The following TMPRSS11B variants were observed in gnomAD, a reference collection of about 807,000 sequenced individuals.
TMPRSS11B encodes transmembrane serine protease 11B, also known as transmembrane protease serine 11B.
A neutral mutation model predicts 44.7 loss-of-function variants in TMPRSS11B; 53 were observed. That is an observed-to-expected ratio of 1.19 (90% CI 0.95 to 1.49). TMPRSS11B has a LOEUF of 1.49. Ranked by LOEUF, TMPRSS11B falls within the 40% of genes most tolerant of loss-of-function variation. TMPRSS11B has a pLI of 0.00. For synonymous variants in TMPRSS11B, 140 were observed against 159.2 expected (o/e 0.88, Z 0.91); for missense variants, 526 against 494.8 (o/e 1.06, Z -0.60).
At chr4:68,243,738 G>A (rs1414210187) in intron 1 of TMPRSS11B, among the ~76,000 whole-genome samples, 1 of 152,080 alleles carries the variant, frequency 6.6e-6, no homozygotes, top group Non-Finnish European at 1.5e-5. Flanking sequence ...ATAACAGTCT[G>A]GTAGCTTGGG....
intron 5 of TMPRSS11B, 101 bp from the exon 6 acceptor site, chr4:68,232,517 T>C (rs1482476599): frequency 1.9e-6 from 2 of 1,068,106 alleles, no homozygotes; most frequent in African/African-American, 1.6e-5. Flanking sequence ...AACCCAATAT[T>C]GTCCAACATT....
intron 9 of TMPRSS11B, among the ~76,000 whole-genome samples, chr4:68,228,479 A>T (rs1482410337): frequency 6.6e-6 from 1 of 152,186 alleles, no homozygotes; most frequent in East Asian, 1.9e-4. Context: ...ATAGGACAAA[A>T]TTCATCTTGT....
intron 2 of TMPRSS11B, among the ~76,000 whole-genome samples, chr4:68,237,008 A>G (rs138597577): frequency 1.4e-4 from 22 of 151,778 alleles, no homozygotes; most frequent in African/African-American, 4.8e-4. Context: ...TCACATAGGT[A>G]TACACGTGCC....
At chr4:68,241,848 C>T (rs754179115) in intron 1 of TMPRSS11B, 44 bp from the exon 2 acceptor site, 3 of 1,067,218 alleles carry the variant, frequency 2.8e-6, no homozygotes, top group Non-Finnish European at 4.4e-6. Context: ...TAATAACAAT[C>T]AAAATCTACC....
At chr4:68,241,898 T>A in intron 1 of TMPRSS11B, 94 bp from the exon 2 acceptor site, 1 of 752,736 alleles carries the variant, frequency 1.3e-6, no homozygotes, top group Middle Eastern at 2.4e-4. Flanking sequence ...TTGTAGTTTA[T>A]ACATTAGTCC....
At chr4:68,235,943 G>C in intron 4 of TMPRSS11B, 59 bp downstream of exon 4, 1 of 902,978 alleles carries the variant, frequency 1.1e-6, no homozygotes, top group Non-Finnish European at 1.6e-6. Flanking sequence ...CTAAAATCAA[G>C]GTTGTATGAT....
rs756843732 is a variant in TMPRSS11B, at chr4:68,236,070, C to T, written c.241-1G>A. On this transcript the variant is annotated splice_acceptor_variant, in intron 3 of 9. Transcript: ENST00000332644. LOFTEE classifies it high-confidence loss of function. ...TGGAATTTTGAAATGCATTTAACAT[C>T]TGACAAGAGAAAAAAAACAGTCATC... The T allele has an allele frequency of 6.3e-7, 1 of 1,590,482 alleles. No individual in the cohort carries two copies. The highest frequency in any genetic ancestry group is 8.5e-7 in the Non-Finnish European group (1 of 1,169,634).
rs909392583 is a variant in TMPRSS11B at position 68,227,237 on chromosome 4, T to C, written c.*674A>G. 2.6e-5 allele frequency: 4 copies of C among 152,178 alleles called. No homozygotes were observed. The highest frequency in any genetic ancestry group is 9.6e-5 in the African/African-American group (4 of 41,458). The allele number at this position is 152,178 out of a possible 1,614,324, so 9.4% of individuals were successfully genotyped here. A position where few individuals can be genotyped will look rare whatever the true frequency, so the allele number is the denominator to read the frequency against. On this transcript the variant is annotated 3_prime_UTR_variant, in exon 10 of 10. Coordinates refer to ENST00000332644, the MANE Select transcript of TMPRSS11B (RefSeq NM_182502.3). ...TATAATTGATATAATAAAAAGTAAC[T>C]CATTTGATAAATCCCCTATATATGT...
intron 5 of TMPRSS11B, among the ~76,000 whole-genome samples, chr4:68,232,772 A>C (rs536923354): frequency 6.6e-6 from 1 of 152,290 alleles, no homozygotes; most frequent in South Asian, 2.1e-4. Context: ...GGTTTGTGAC[A>C]TATGTATACA....
In TMPRSS11B at chr4:68,245,602, T is replaced by A. The variant is rs751235169; in HGVS notation, c.-44A>T. 1.9e-6 allele frequency: 3 copies of A among 1,607,928 alleles called. No individual in the cohort carries two copies. In the South Asian group the frequency reaches 3.3e-5, roughly 18 times the overall value. ...GCAGTATCAGGTATAACGGTGGTAA[T>A]GATGATGACGAAGATAACGATAACG... is the stretch of plus-strand genomic sequence containing the variant. On this transcript the variant is annotated 5_prime_UTR_variant, in exon 1 of 10. Transcript: ENST00000332644.
In TMPRSS11B at chr4:68,231,218, G is replaced by C; in HGVS notation, c.671C>G (p.Ala224Gly). The change falls in exon 7 of 10, where the codon GCT (alanine) becomes GGT (glycine). Residue 224 changes from alanine (A) to glycine (G), a missense_variant. By Grantham distance (60) the Ala-to-Gly change is moderately conservative. Coordinates refer to ENST00000332644, the MANE Select transcript of TMPRSS11B (RefSeq NM_182502.3). The part of the protein sequence containing the change: ...LISSRWLLSA[A>G]HCFAKKNNSK... ...TCAAACTTACTTAGCAAAGCAGTGAGCTGCAGATAATAGCCACCTGCTGCT... is the reference window on the plus strand; with the variant it reads ...TCAAACTTACTTAGCAAAGCAGTGACCTGCAGATAATAGCCACCTGCTGCT... 6.2e-7 allele frequency: 1 copy of C among 1,609,336 alleles called. No individual in the cohort carries two copies. The highest frequency in any genetic ancestry group is 8.5e-7 in the Non-Finnish European group (1 of 1,178,662).
intron 2 of TMPRSS11B, among the ~76,000 whole-genome samples, chr4:68,237,575 T>C (rs1239911578): frequency 6.6e-6 from 1 of 152,164 alleles, no homozygotes; most frequent in Non-Finnish European, 1.5e-5. Context: ...AAAAGCATGG[T>C]GCCCTTTTAT....
rs1719425539 is a variant in TMPRSS11B at position 68,228,802 on chromosome 4, G to A, written c.1029C>T (p.Gly343=). Residue 343 remains glycine (G), a synonymous_variant, in exon 9 of 10, where the codon GGC becomes GGT. Coordinates refer to ENST00000332644, the MANE Select transcript of TMPRSS11B (RefSeq NM_182502.3). ...CACATAACATTGTATCAGTCACAAA[G>A]CCAGAGTATGCATATGAGGCATTGC... ...KICNASYAYS[G]FVTDTMLCAG... The A allele has an allele frequency of 1.2e-6, 2 of 1,613,752 alleles. No homozygotes were observed. The highest frequency in any genetic ancestry group is 1.7e-6 in the Non-Finnish European group (2 of 1,179,828).
At chr4:68,228,913 C>G (rs1454567436) in intron 8 of TMPRSS11B, 29 bp from the exon 9 acceptor site, 1 of 1,602,282 alleles carries the variant, frequency 6.2e-7, no homozygotes, top group East Asian at 2.2e-5. Context: ...GCATATTATG[C>G]AGATCTTAGA....
intron 5 of TMPRSS11B, among the ~76,000 whole-genome samples, chr4:68,234,257 T>G (rs961370447): frequency 6.6e-6 from 1 of 152,110 alleles, no homozygotes; most frequent in Non-Finnish European, 1.5e-5. Flanking sequence ...ATGCTTGCAG[T>G]GTAACCCTCA....
At chr4:68,230,803 CA>C (rs34025669) in intron 7 of TMPRSS11B, among the ~76,000 whole-genome samples, 255 of 128,736 alleles carry the variant, frequency 2.0e-3, no homozygotes, top group East Asian at 0.016. Flanking sequence ...GACTCCATCT[CA>C]AAAAAAAAAA....
chr4:68,245,187 C>G (rs1302421720), intron 1 of TMPRSS11B, among the ~76,000 whole-genome samples: 1 of 151,970 alleles, frequency 6.6e-6, no homozygotes, highest in Non-Finnish European at 1.5e-5. Flanking sequence ...CCTAAGAAAA[C>G]CTTTTAATAT....
At position 68,243,526 on chromosome 4, in the gene TMPRSS11B, T is replaced by C. The variant is rs1420747301; in HGVS notation, c.9-1722A>G. On this transcript the variant is annotated intron_variant, in intron 1 of 9. Coordinates refer to ENST00000332644, the MANE Select transcript of TMPRSS11B (RefSeq NM_182502.3). ...CATCAAAGCTCTTCAAAGAAACTCC[T>C]TATTTCAGACACATTTCATGTATTT... 3.9e-5 allele frequency among the ~76,000 whole-genome samples: 6 copies of C among 152,268 alleles called. No homozygotes were observed. In the East Asian group the frequency reaches 1.2e-3, roughly 29 times the overall value.
At chr4:68,241,019 G>A (rs897355916) in intron 2 of TMPRSS11B, among the ~76,000 whole-genome samples, 1 of 152,100 alleles carries the variant, frequency 6.6e-6, no homozygotes, top group African/African-American at 2.4e-5. Context: ...CCAGTGTACT[G>A]TATGTGAAAA....
Sources: gnomAD v4.1 joint callset for allele counts (sites outside exome capture counted in the v4.1 genomes callset) on GRCh38, gnomAD v4.1.1 for gene constraint, MANE v1.5 for transcripts, NCBI Gene and HGNC (gene_info 2026-07-23, HGNC 2026-07-21) for gene names.